Variants in RIMBP2 observed in about 807,000 individuals in gnomAD.
RIMBP2 encodes the protein RIMS binding protein 2.
RIMBP2 carries 48 observed loss-of-function variants against 118.6 expected under a neutral mutation model. The ratio of observed to expected loss-of-function variants is 0.40; its 90% confidence interval spans 0.32 to 0.51. The LOEUF is 0.51. Among genes scored for constraint, RIMBP2 ranks in the 20% least tolerant of loss-of-function variants. The pLI is 0.41. For synonymous variants in RIMBP2, 762 were observed against 742.9 expected, an observed-to-expected ratio of 1.03 and a Z score of -0.42; for missense variants, 1,551 against 1,768.3, an observed-to-expected ratio of 0.88 and a Z score of 2.20.
intron 4 of RIMBP2, among the ~76,000 whole-genome samples, chr12:130,492,445 AAGAG>A (rs767355456): frequency 2.0e-5 from 3 of 151,764 alleles, no homozygotes; most frequent in Non-Finnish European, 2.9e-5. Flanking sequence ...GGGAAAAAAA[AAGAG>A]AGAGAGAGAG....
intron 2 of RIMBP2, among the ~76,000 whole-genome samples, chr12:130,536,273 A>T (rs1261002448): frequency 6.6e-6 from 1 of 152,136 alleles, no homozygotes; most frequent in Non-Finnish European, 1.5e-5. Flanking sequence ...GTTAACAGAC[A>T]TCATCCCCTG....
At chr12:130,466,906 C>T (rs1399677022) in intron 6 of RIMBP2, among the ~76,000 whole-genome samples, 1 of 152,234 alleles carries the variant, frequency 6.6e-6, no homozygotes. Flanking sequence ...AATGACAATT[C>T]CTCTGCCTCC....
chr12:130,568,537 G>T (rs73456718), intron 2 of RIMBP2, among the ~76,000 whole-genome samples: 1 of 152,164 alleles, frequency 6.6e-6, no homozygotes, highest in African/African-American at 2.4e-5. Context: ...TGACAATGAC[G>T]TGCTCCCCTC....
chr12:130,396,228 T>TTTAA lies in RIMBP2; in HGVS notation c.*1129_*1132dup, dbSNP rs1224873073. On this transcript the variant is annotated 3_prime_UTR_variant, in exon 23 of 23. Transcript: ENST00000690449. The stretch of plus-strand genomic sequence containing the variant: ...AGAGCTTAACCACACATGGATTTCC[T>TTTAA]TTAATAATAAATCTACCACATACTA... 6.5e-6 allele frequency: 1 copy of TTTAA among 152,682 alleles called. No individual in the cohort carries two copies. The highest frequency in any genetic ancestry group is 1.5e-5 in the Non-Finnish European group (1 of 68,048). The allele number at this position is 152,682 out of a possible 1,614,324, so 9.5% of individuals were successfully genotyped here.
chr12:130,404,615 G>A (rs74868042), intron 21 of RIMBP2, among the ~76,000 whole-genome samples: 3,682 of 152,244 alleles, frequency 0.024, 146 homozygotes, highest in African/African-American at 0.084. Context: ...GTAAACTTAA[G>A]ATATATAAAG....
At chr12:130,664,415 A>ACACGCACGCGCACGCACG (rs1555320883) in intron 1 of RIMBP2, among the ~76,000 whole-genome samples, 1 of 130,496 alleles carries the variant, frequency 7.7e-6, no homozygotes, top group Non-Finnish European at 1.7e-5. Flanking sequence ...ACGCACGCAC[A>ACACGCACGCGCACGCACG]CACACGCACA....
chr12:130,439,561 A>C (rs1393186861), intron 11 of RIMBP2, among the ~76,000 whole-genome samples: 1 of 66,686 alleles, frequency 1.5e-5, no homozygotes, highest in African/African-American at 6.5e-5. Flanking sequence ...GGGGGTGTCC[A>C]TGGGTGTATG....
chr12:130,628,844 T>C (rs553376715), intron 1 of RIMBP2, among the ~76,000 whole-genome samples: 1 of 152,278 alleles, frequency 6.6e-6, no homozygotes, highest in South Asian at 2.1e-4. Context: ...CACAAGTCAA[T>C]AACTGGGCAT....
At chr12:130,413,808 CT>C (rs1164917217) in intron 18 of RIMBP2, among the ~76,000 whole-genome samples, 1 of 152,100 alleles carries the variant, frequency 6.6e-6, no homozygotes, top group Non-Finnish European at 1.5e-5. Flanking sequence ...TGCCTGTCTG[CT>C]GACTGACAAG....
chr12:130,693,966 G>C (rs1217689785), intron 1 of RIMBP2, among the ~76,000 whole-genome samples: 1 of 152,180 alleles, frequency 6.6e-6, no homozygotes, highest in African/African-American at 2.4e-5. Flanking sequence ...AGGGAGCCCA[G>C]GTCCCTAAGG....
intron 2 of RIMBP2, among the ~76,000 whole-genome samples, chr12:130,543,813 C>T: frequency 6.6e-6 from 1 of 151,968 alleles, no homozygotes; most frequent in East Asian, 1.9e-4. Flanking sequence ...CTGCATCTTG[C>T]CAGTCAGCTA....
intron 1 of RIMBP2, among the ~76,000 whole-genome samples, chr12:130,699,684 A>T (rs981260281): frequency 2.0e-5 from 3 of 152,076 alleles, no homozygotes; most frequent in African/African-American, 7.2e-5. Context: ...CATATGTAAC[A>T]AACCTGCACA....
chr12:130,509,726 G>GCCCA (rs376019473), intron 3 of RIMBP2, among the ~76,000 whole-genome samples: 1 of 148,036 alleles, frequency 6.8e-6, no homozygotes, highest in South Asian at 2.2e-4. Context: ...CATGCCCTCT[G>GCCCA]CCCCCCCGCC....
At chr12:130,664,447 GCACACACATGCACGCACACA>G (rs2063824867) in intron 1 of RIMBP2, among the ~76,000 whole-genome samples, 2 of 122,406 alleles carry the variant, frequency 1.6e-5, no homozygotes, top group African/African-American at 3.0e-5. Flanking sequence ...ACGCACACAC[GCACACACATGCACGCACACA>G]CACGCACGCA....
chr12:130,402,455 T>C (rs1168139839), intron 21 of RIMBP2, among the ~76,000 whole-genome samples: 1 of 152,160 alleles, frequency 6.6e-6, no homozygotes, highest in African/African-American at 2.4e-5. Context: ...CCATGTTTCC[T>C]GCCTGGAGGG....
At chr12:130,409,261 C>A (rs2075470065) in intron 19 of RIMBP2, among the ~76,000 whole-genome samples, 1 of 149,176 alleles carries the variant, frequency 6.7e-6, no homozygotes, top group Non-Finnish European at 1.5e-5. Flanking sequence ...CAGATGACCA[C>A]AGATCTGTTT....
At position 130,646,205 on chromosome 12, in the gene RIMBP2, ACCTCCCTCT is replaced by A. The variant is rs2062922321; in HGVS notation, c.-351-17758_-351-17750del. On this transcript the variant is annotated intron_variant, in intron 1 of 22. Transcript: ENST00000690449. ...CACCTCCCTCACCACTTCCCTCTCC[ACCTCCCTCT>A]CCACCTCCCTCACCACCTGCCTCTC... Among the ~76,000 whole-genome samples, 4 of 67,242 alleles carry A rather than the reference ACCTCCCTCT, an allele frequency of 5.9e-5. 1 individual carries two copies. The highest frequency in any genetic ancestry group is 2.9e-4 in the Admixed American group (2 of 6,956). The allele number at this position is 67,242 out of a possible 152,430, so 44.1% of individuals were successfully genotyped here.
At chr12:130,650,020 T>C (rs1434640504) in intron 1 of RIMBP2, among the ~76,000 whole-genome samples, 4 of 148,818 alleles carry the variant, frequency 2.7e-5, no homozygotes, top group South Asian at 2.1e-4. Context: ...GAGTATATTG[T>C]TGAAGCTGAA....
chr12:130,454,021 T>C (rs1413759025), intron 7 of RIMBP2, among the ~76,000 whole-genome samples: 2 of 152,006 alleles, frequency 1.3e-5, no homozygotes, highest in Non-Finnish European at 2.9e-5. Flanking sequence ...ACCATTGCAC[T>C]CCAGCCTGGG....
Sources: allele counts gnomAD v4.1 joint callset (sites outside exome capture counted in the v4.1 genomes callset), GRCh38; gene constraint gnomAD v4.1.1; transcripts MANE v1.5; gene names NCBI Gene and HGNC (gene_info 2026-07-23, HGNC 2026-07-21).